Variants in VSTM4 observed in about 807,000 individuals in gnomAD.
The protein encoded by VSTM4 is V-set and transmembrane domain-containing protein 4.
Under a neutral mutation model 36.4 loss-of-function variants are expected in VSTM4, and 20 were observed. The ratio of observed to expected loss-of-function variants is 0.55; its 90% CI spans 0.39 to 0.80. The LOEUF (loss-of-function observed/expected upper bound fraction) is 0.80, where lower values mean the gene tolerates loss of function less well. Among genes scored for constraint, VSTM4 ranks in the 30% least tolerant of loss-of-function variants. The pLI, the probability that VSTM4 is intolerant of heterozygous loss-of-function variation, is 0.00. For missense variants in VSTM4, 392 were observed against 404.5 expected, an observed-to-expected ratio of 0.97 and a Z score of 0.26; for synonymous variants, 182 against 173.9, an observed-to-expected ratio of 1.05 and a Z score of -0.37.
intron 7 of VSTM4, among the ~76,000 whole-genome samples, chr10:49,020,444 C>G (rs1843164000): frequency 6.6e-6 from 1 of 151,194 alleles, no homozygotes; most frequent in African/African-American, 2.4e-5. Context: ...CATAAATCAC[C>G]AGTAAAACAG....
intron 2 of VSTM4, among the ~76,000 whole-genome samples, chr10:49,094,371 C>A (rs1239746040): frequency 6.6e-6 from 1 of 152,176 alleles, no homozygotes; most frequent in East Asian, 1.9e-4. Flanking sequence ...TGATTCCTAA[C>A]CAGAAGGTGA....
At chr10:49,077,944 G>T (rs1320390838) in intron 3 of VSTM4, among the ~76,000 whole-genome samples, 1 of 149,352 alleles carries the variant, frequency 6.7e-6, no homozygotes, top group Non-Finnish European at 1.5e-5. Flanking sequence ...AGACTCTAAA[G>T]AACTCTAAAA....
intron 2 of VSTM4, chr10:49,103,821 C>G (rs750810721): frequency 1.9e-6 from 3 of 1,613,944 alleles, no homozygotes; most frequent in African/African-American, 1.3e-5. Context: ...AAGGGAAATC[C>G]CAAGAAAAGC....
chr10:49,030,698 G>A (rs142571364), intron 7 of VSTM4, among the ~76,000 whole-genome samples: 77 of 152,296 alleles, frequency 5.1e-4, no homozygotes, highest in African/African-American at 1.2e-3. Flanking sequence ...AGCAAAGTGC[G>A]TCCTCAGAAT....
intron 2 of VSTM4, among the ~76,000 whole-genome samples, chr10:49,101,022 G>A (rs1233031145): frequency 1.3e-5 from 2 of 152,052 alleles, no homozygotes; most frequent in Non-Finnish European, 2.9e-5. Flanking sequence ...TAAAAAAACA[G>A]ATTCCAAAGA....
intron 5 of VSTM4, among the ~76,000 whole-genome samples, chr10:49,062,692 G>A (rs942379808): frequency 3.3e-5 from 5 of 152,096 alleles, no homozygotes; most frequent in East Asian, 1.9e-4. Flanking sequence ...TACTGTTTTA[G>A]ATCCACTCTG....
At chr10:49,110,195 G>A (rs1844867600) in intron 1 of VSTM4, among the ~76,000 whole-genome samples, 1 of 152,238 alleles carries the variant, frequency 6.6e-6, no homozygotes, top group South Asian at 2.1e-4. Context: ...GGTGGGATGA[G>A]AGTGCAGCCG....
At chr10:49,073,810 C>T (rs1239983571) in intron 4 of VSTM4, among the ~76,000 whole-genome samples, 1 of 152,230 alleles carries the variant, frequency 6.6e-6, no homozygotes, top group Non-Finnish European at 1.5e-5. Context: ...ACCCTCTTGA[C>T]ATTCATGCAG....
chr10:49,057,145 G>A (rs944222382), intron 5 of VSTM4, among the ~76,000 whole-genome samples: 5 of 151,806 alleles, frequency 3.3e-5, no homozygotes, highest in African/African-American at 7.3e-5. Context: ...ACCCAAACAC[G>A]TCCCACCAAG....
intron 5 of VSTM4, among the ~76,000 whole-genome samples, chr10:49,056,273 G>A (rs1843777249): frequency 6.6e-6 from 1 of 152,262 alleles, no homozygotes; most frequent in East Asian, 1.9e-4. Flanking sequence ...GACTTTGCCA[G>A]GCTGGCGTTT....
intron 7 of VSTM4, among the ~76,000 whole-genome samples, chr10:49,020,148 A>G (rs777365924): frequency 7.9e-5 from 12 of 152,264 alleles, no homozygotes; most frequent in Non-Finnish European, 1.5e-4. Flanking sequence ...AAAAAATTCT[A>G]AAAATTAATA....
rs540264930 is a variant in VSTM4 at position 49,046,280 on chromosome 10, A to C, written c.837+703T>G. ...GTACCAAATTGAGGGACATTCTAAA[A>C]AATCACTGGCCACTACTCTTCAAAA... On this transcript the variant is annotated intron_variant, in intron 7 of 7. Transcript: ENST00000332853. 2.0e-5 allele frequency among the ~76,000 whole-genome samples: 3 copies of C among 152,334 alleles called. No homozygotes were observed. The East Asian group carries it at 5.8e-4, about 29-fold the overall frequency.
Position 49,115,450 on chromosome 10 carries a change from C to T in VSTM4, c.36G>A (p.Leu12=). The change falls in exon 1 of 8, where the codon CTG becomes CTA. Residue 12 remains leucine, a synonymous_variant. Transcript: ENST00000332853. ...GCTTACCCGGAGCCGGAGCCCGCGCCAGCAGCGCGGCCGCCGCCAGTGCCA... is the reference window on the plus strand; with the variant it reads ...GCTTACCCGGAGCCGGAGCCCGCGCTAGCAGCGCGGCCGCCGCCAGTGCCA... The part of the protein sequence containing the change: ...RLLALAAAAL[L]ARAPAPEVCA... 9.6e-7 allele frequency: 1 copy of T among 1,043,092 alleles called. No homozygotes were observed. Among genetic ancestry groups the T allele is most frequent in the Non-Finnish European group, 1.2e-6 (1 of 862,058 alleles). The allele number at this position is 1,043,092 out of a possible 1,614,324, so 64.6% of individuals were successfully genotyped here.
At chr10:49,061,081 C>G (rs1843868537) in intron 5 of VSTM4, among the ~76,000 whole-genome samples, 2 of 152,310 alleles carry the variant, frequency 1.3e-5, no homozygotes, top group Middle Eastern at 6.8e-3. Context: ...AAGTTTTGGA[C>G]AGAAGAACTG....
At chr10:49,112,181 A>G (rs771960777) in intron 1 of VSTM4, among the ~76,000 whole-genome samples, 2 of 152,186 alleles carry the variant, frequency 1.3e-5, no homozygotes, top group Admixed American at 1.3e-4. Flanking sequence ...TGAAGGAGGA[A>G]TATAACAAAA....
At chr10:49,036,812 A>G (rs972942509) in intron 7 of VSTM4, among the ~76,000 whole-genome samples, 4 of 152,256 alleles carry the variant, frequency 2.6e-5, no homozygotes, top group Non-Finnish European at 4.4e-5. Flanking sequence ...TGGCCACACT[A>G]TGGTTTTCAA....
rs1032723140 is a variant in VSTM4 at position 49,016,126 on chromosome 10, G to A, written c.*3524C>T. 1.3e-5 allele frequency: 2 copies of A among 151,964 alleles called. No individual in the cohort carries two copies. The highest frequency in any genetic ancestry group is 2.4e-5 in the African/African-American group (1 of 41,458). The allele number at this position is 151,964 out of a possible 1,614,324, so 9.4% of individuals were successfully genotyped here. A position where few individuals can be genotyped will look rare whatever the true frequency, so the allele number is the denominator to read the frequency against. On this transcript the variant is annotated 3_prime_UTR_variant, in exon 8 of 8. Transcript: ENST00000332853. ...GGGTACTGATATCAGTATTTTGTTTGTTTGTTTGTTTGTTTGTTTTGCTTC... is the reference window on the plus strand; with the variant it reads ...GGGTACTGATATCAGTATTTTGTTTATTTGTTTGTTTGTTTGTTTTGCTTC...
intron 7 of VSTM4, among the ~76,000 whole-genome samples, chr10:49,022,595 C>G (rs558361231): frequency 7.2e-5 from 11 of 152,152 alleles, no homozygotes; most frequent in African/African-American, 2.7e-4. Flanking sequence ...TTCTGCTTGC[C>G]TTTTGACACC....
chr10:49,099,739 C>T (rs1844633118), intron 2 of VSTM4, among the ~76,000 whole-genome samples: 1 of 152,214 alleles, frequency 6.6e-6, no homozygotes, highest in African/African-American at 2.4e-5. Flanking sequence ...ACGACATCAA[C>T]AAGTTCATCT....
Sources: allele counts gnomAD v4.1 joint callset (sites outside exome capture counted in the v4.1 genomes callset), GRCh38; gene constraint gnomAD v4.1.1; transcripts MANE v1.5; gene names NCBI Gene and HGNC (gene_info 2026-07-23, HGNC 2026-07-21).